The following PKP4 variants were observed in gnomAD, a reference collection of about 807,000 sequenced individuals.
The protein encoded by PKP4 is plakophilin 4.
In PKP4, 90 loss-of-function variants were observed where a neutral mutation model predicts 145.1. That is an observed-to-expected ratio of 0.62 (90% CI 0.52 to 0.74). The LOEUF (loss-of-function observed/expected upper bound fraction) is 0.74. Among genes scored for constraint, PKP4 ranks in the 30% least tolerant of loss-of-function variants. The pLI is 0.00. For synonymous variants in PKP4, 563 were observed against 577.2 expected, an observed-to-expected ratio of 0.98 and a Z score of 0.35; for missense variants, 1,340 against 1,482.7, an observed-to-expected ratio of 0.90 and a Z score of 1.58.
chr2:158,532,579 AAC>A (rs2043662276), intron 1 of PKP4, among the ~76,000 whole-genome samples: 1 of 152,242 alleles, frequency 6.6e-6, no homozygotes, highest in Non-Finnish European at 1.5e-5. Context: ...TCTTTTGACA[AAC>A]ACACTGCTCT....
intron 3 of PKP4, among the ~76,000 whole-genome samples, chr2:158,579,445 A>G (rs2048137730): frequency 1.2e-5 from 1 of 85,092 alleles, no homozygotes; most frequent in African/African-American, 5.1e-5. Context: ...CTGATTTTGT[A>G]AAAAAAAAAA....
intron 1 of PKP4, among the ~76,000 whole-genome samples, chr2:158,490,257 T>C (rs1287380626): frequency 6.6e-6 from 1 of 151,882 alleles, no homozygotes; most frequent in Non-Finnish European, 1.5e-5. Flanking sequence ...AAATTGAACG[T>C]GTCGATGCAA....
At chr2:158,546,154 T>A (rs2045017240) in intron 2 of PKP4, among the ~76,000 whole-genome samples, 1 of 152,216 alleles carries the variant, frequency 6.6e-6, no homozygotes, top group Non-Finnish European at 1.5e-5. Context: ...AAGTAAAGAA[T>A]TTTAGTATAC....
At chr2:158,512,967 A>C (rs537105761) in intron 1 of PKP4, among the ~76,000 whole-genome samples, 1 of 152,232 alleles carries the variant, frequency 6.6e-6, no homozygotes, top group Non-Finnish European at 1.5e-5. Flanking sequence ...ATGTGTTTGC[A>C]AGAAGAGTTC....
intron 11 of PKP4, among the ~76,000 whole-genome samples, chr2:158,651,868 C>T (rs2055396860): frequency 1.3e-5 from 2 of 152,096 alleles, no homozygotes; most frequent in Admixed American, 6.6e-5. Flanking sequence ...GTGTGTTGAG[C>T]TCCTGGCACA....
At chr2:158,555,301 T>C (rs1230206097) in intron 2 of PKP4, among the ~76,000 whole-genome samples, 1 of 152,226 alleles carries the variant, frequency 6.6e-6, no homozygotes, top group African/African-American at 2.4e-5. Context: ...GCTATTCTCC[T>C]GCCTAGCAGG....
rs781422789 is a variant in PKP4 at position 158,642,674 on chromosome 2, T to C, written c.1884T>C (p.Asp628=). ...TGCGACTGTTGAGAAAATCTATTGA[T>C]GCAGAAGTAAGGGAGCTTGTTACAG... ...ALLRLLRKSI[D]AEVRELVTGV... is the part of the protein sequence containing the mutation. The change falls in exon 11 of 22, where the codon GAT becomes GAC. Residue 628 remains aspartate (D), a synonymous_variant. Transcript: ENST00000389759. 2 of 1,608,700 alleles carry C rather than the reference T, an allele frequency of 1.2e-6. No individual in the cohort carries two copies. The highest frequency in any genetic ancestry group is 1.7e-5 in the Admixed American group (1 of 59,698).
At chr2:158,657,396 AATC>A (rs2056088322) in intron 11 of PKP4, among the ~76,000 whole-genome samples, 1 of 152,212 alleles carries the variant, frequency 6.6e-6, no homozygotes, top group Non-Finnish European at 1.5e-5. Context: ...GTTATCCTGA[AATC>A]TTGATATGAA....
intron 3 of PKP4, among the ~76,000 whole-genome samples, chr2:158,580,328 CTG>C (rs1386221353): frequency 2.0e-5 from 3 of 152,054 alleles, no homozygotes; most frequent in Non-Finnish European, 2.9e-5. Context: ...TGGCAAGTGA[CTG>C]TGGCACCACC....
intron 1 of PKP4, among the ~76,000 whole-genome samples, chr2:158,522,600 T>TA (rs1264852582): frequency 1.3e-5 from 2 of 151,708 alleles, no homozygotes; most frequent in African/African-American, 4.8e-5. Context: ...GGTATGATTT[T>TA]AAAAAAAGAG....
At chr2:158,660,966 C>T (rs2056516634) in intron 12 of PKP4, 1 of 162,000 alleles carries the variant, frequency 6.2e-6, no homozygotes, top group African/African-American at 2.4e-5. Flanking sequence ...TTTCTAATTG[C>T]TTTCTATGTA....
At chr2:158,637,645 A>T (rs147238390) in intron 9 of PKP4, among the ~76,000 whole-genome samples, 42 of 152,312 alleles carry the variant, frequency 2.8e-4, no homozygotes, top group African/African-American at 9.9e-4. Context: ...GGACTCGTGG[A>T]TGTTTCCCTC....
At chr2:158,573,046 T>C (rs971032191) in intron 2 of PKP4, among the ~76,000 whole-genome samples, 2 of 152,210 alleles carry the variant, frequency 1.3e-5, no homozygotes, top group African/African-American at 4.8e-5. Flanking sequence ...GTGCACAAGA[T>C]GGTTTATACA....
At chr2:158,493,956 A>G (rs1252056407) in intron 1 of PKP4, among the ~76,000 whole-genome samples, 1 of 152,134 alleles carries the variant, frequency 6.6e-6, no homozygotes, top group South Asian at 2.1e-4. Context: ...GTCTTTGGGG[A>G]AGAAATGAAT....
At chr2:158,566,277 C>T (rs2046979557) in intron 2 of PKP4, among the ~76,000 whole-genome samples, 1 of 152,098 alleles carries the variant, frequency 6.6e-6, no homozygotes, top group Non-Finnish European at 1.5e-5. Context: ...TGTTGTTTCT[C>T]TTATCATTTT....
intron 12 of PKP4, chr2:158,661,111 G>T: frequency 2.3e-6 from 1 of 430,158 alleles, no homozygotes; most frequent in South Asian, 3.0e-5. Flanking sequence ...CGTCATGAGA[G>T]AGATACAGTC....
At position 158,608,763 on chromosome 2, in the gene PKP4, T is replaced by G. The variant is rs983145327; in HGVS notation, c.280+5659T>G. ...AGCTATAGTTAGAAGAGTAGCAAATTGAAAATTTATGAATAAAATAGTAAA... is the reference window on the plus strand; with the variant it reads ...AGCTATAGTTAGAAGAGTAGCAAATGGAAAATTTATGAATAAAATAGTAAA... On this transcript the variant is annotated intron_variant, in intron 4 of 21. Coordinates refer to ENST00000389759, the MANE Select transcript of PKP4 (RefSeq NM_003628.6). Among the ~76,000 whole-genome samples, 14 of 151,644 alleles carry G rather than the reference T, an allele frequency of 9.2e-5. 1 individual carries two copies. The highest frequency in any genetic ancestry group is 3.1e-4 in the African/African-American group (13 of 41,392).
chr2:158,669,612 T>A (rs1366845570), intron 16 of PKP4, 108 bp from the exon 17 acceptor site: 6 of 841,812 alleles, frequency 7.1e-6, no homozygotes, highest in South Asian at 8.1e-5. Flanking sequence ...TATTATTGTC[T>A]CTTTGGGGGT....
chr2:158,563,338 C>T (rs1015121999), intron 2 of PKP4, among the ~76,000 whole-genome samples: 3 of 152,138 alleles, frequency 2.0e-5, no homozygotes, highest in African/African-American at 4.8e-5. Context: ...AGCCACCCTA[C>T]AGGCATCCAG....
Sources: allele counts gnomAD v4.1 joint callset (sites outside exome capture counted in the v4.1 genomes callset), GRCh38; gene constraint gnomAD v4.1.1; transcripts MANE v1.5; gene names NCBI Gene and HGNC (gene_info 2026-07-23, HGNC 2026-07-21).